WIPF3: variants seen among roughly 807,000 people sequenced by gnomAD.
WIPF3 encodes the protein WAS/WASL-interacting protein family member 3.
WIPF3 carries 33 observed loss-of-function variants against 38.9 expected under a neutral mutation model. The ratio of observed to expected loss-of-function variants is 0.85; its 90% confidence interval spans 0.64 to 1.14. WIPF3 has a LOEUF of 1.14. WIPF3 is among the 50% of genes most tolerant of loss of function. WIPF3 has a pLI of 0.00. For synonymous variants in WIPF3, 324 were observed against 269.3 expected, an observed-to-expected ratio of 1.20 and a Z score of -1.99; for missense variants, 711 against 652.5, an observed-to-expected ratio of 1.09 and a Z score of -0.98.
intron 3 of WIPF3, among the ~76,000 whole-genome samples, chr7:29,877,555 A>G (rs963990125): frequency 2.6e-5 from 4 of 152,158 alleles, no homozygotes; most frequent in African/African-American, 9.7e-5. Flanking sequence ...CTAAGTACTT[A>G]TGTGTGAAGA....
At chr7:29,848,056 C>G (rs1224751411) in intron 2 of WIPF3, among the ~76,000 whole-genome samples, 1 of 152,162 alleles carries the variant, frequency 6.6e-6, no homozygotes, top group Non-Finnish European at 1.5e-5. Flanking sequence ...GGGGCCAGTA[C>G]TTGCTCCTGC....
intron 1 of WIPF3, among the ~76,000 whole-genome samples, chr7:29,832,462 C>G (rs1222765941): frequency 2.0e-5 from 3 of 152,182 alleles, no homozygotes; most frequent in African/African-American, 7.2e-5. Context: ...CTGAAAGAAA[C>G]ACGTACTACC....
At chr7:29,897,398 A>AT (rs1562789662) in intron 7 of WIPF3, among the ~76,000 whole-genome samples, 1 of 152,190 alleles carries the variant, frequency 6.6e-6, no homozygotes, top group Non-Finnish European at 1.5e-5. Flanking sequence ...TACTGTTTTC[A>AT]TATCTACTGG....
intron 4 of WIPF3, among the ~76,000 whole-genome samples, chr7:29,881,526 A>G (rs1250367033): frequency 2.0e-5 from 3 of 152,242 alleles, no homozygotes; most frequent in African/African-American, 7.2e-5. Flanking sequence ...TTTTAGGATC[A>G]AAGAATGTAT....
At chr7:29,876,895 G>A (rs566458421) in intron 3 of WIPF3, among the ~76,000 whole-genome samples, 1 of 152,236 alleles carries the variant, frequency 6.6e-6, no homozygotes, top group East Asian at 1.9e-4. Flanking sequence ...CCTCTTTGAG[G>A]ATGTTTGGTC....
At chr7:29,847,504 A>G (rs1471713172) in intron 2 of WIPF3, among the ~76,000 whole-genome samples, 1 of 152,250 alleles carries the variant, frequency 6.6e-6, no homozygotes, top group Non-Finnish European at 1.5e-5. Flanking sequence ...CCAACGATGT[A>G]GCGGAAATTA....
intron 7 of WIPF3, among the ~76,000 whole-genome samples, chr7:29,890,194 A>G (rs1191058633): frequency 4.4e-5 from 3 of 68,160 alleles, no homozygotes; most frequent in Non-Finnish European, 1.1e-4. Context: ...TTCCATTTCT[A>G]CAAAATAATT....
At chr7:29,884,701 G>C (rs991312020) in intron 5 of WIPF3, 108 bp downstream of exon 5, 138 of 1,422,638 alleles carry the variant, frequency 9.7e-5, no homozygotes, top group Middle Eastern at 7.3e-4. Flanking sequence ...GACACCAGGG[G>C]TGAGGGAGGC....
rs530037224 is a variant in WIPF3, at chr7:29,819,590, T to C, written c.-58+12912T>C. On this transcript the variant is annotated intron_variant, in intron 1 of 8. Transcript: ENST00000242140. ...TTCTGCTTCCTTTAGGTTCATATTA[T>C]TGTTACTCATGTTTCTTGAGAGTTT... Among the ~76,000 whole-genome samples, 66 of 152,222 alleles carry C rather than the reference T, an allele frequency of 4.3e-4. No individual in the cohort carries two copies. In the South Asian group the frequency reaches 6.2e-3, roughly 14 times the overall value.
At chr7:29,900,728 C>T (rs1172818513) in intron 7 of WIPF3, among the ~76,000 whole-genome samples, 3 of 152,226 alleles carry the variant, frequency 2.0e-5, no homozygotes, top group Non-Finnish European at 4.4e-5. Flanking sequence ...AGCCCAACTC[C>T]TTCCTGTACA....
At chr7:29,870,495 A>T (rs1269636734) in intron 2 of WIPF3, among the ~76,000 whole-genome samples, 1 of 152,160 alleles carries the variant, frequency 6.6e-6, no homozygotes, top group Non-Finnish European at 1.5e-5. Flanking sequence ...AAGAATAAGG[A>T]AAAGGGATGA....
At chr7:29,813,595 T>C (rs174921) in intron 1 of WIPF3, among the ~76,000 whole-genome samples, 4,199 of 152,360 alleles carry the variant, frequency 0.028, 74 homozygotes, top group Middle Eastern at 0.048. Flanking sequence ...TTTCTATTCA[T>C]ATTTTTTGCC....
In WIPF3 at chr7:29,884,544, C is replaced by T. The variant is rs1371598752; in HGVS notation, c.1050C>T (p.Ala350=). The T allele has an allele frequency of 1.2e-6, 2 of 1,600,830 alleles. No individual in the cohort carries two copies. The highest frequency in any genetic ancestry group is 1.1e-5 in the South Asian group (1 of 88,314). ...CGCAGGCCTTGCCCGCCCCGCCTGC[C>T]CCTCCGGGCTCCCAGCCGTTCCTGC... ...AGAQALPAPP[A]PPGSQPFLQK... is the part of the protein sequence containing the mutation. The change falls in exon 5 of 9, where the codon GCC becomes GCT. Residue 350 remains alanine, a synonymous_variant. Transcript: ENST00000242140.
chr7:29,812,982 AT>A (rs201471359), intron 1 of WIPF3, among the ~76,000 whole-genome samples: 4,530 of 152,302 alleles, frequency 0.03, 84 homozygotes, highest in Middle Eastern at 0.051. Context: ...CTGAATTTCC[AT>A]TTGCCAAAAG....
chr7:29,839,693 A>C (rs147917793), intron 2 of WIPF3, among the ~76,000 whole-genome samples: 17 of 152,328 alleles, frequency 1.1e-4, no homozygotes, highest in African/African-American at 4.1e-4. Flanking sequence ...ACTGGTTTTT[A>C]CATTTTCAAA....
At chr7:29,900,749 C>A (rs1786258723) in intron 7 of WIPF3, among the ~76,000 whole-genome samples, 1 of 152,232 alleles carries the variant, frequency 6.6e-6, no homozygotes, top group Admixed American at 6.5e-5. Flanking sequence ...GCTAGAGAAG[C>A]CAAAGCAGAA....
At chr7:29,880,892 T>A (rs1785701285) in intron 4 of WIPF3, among the ~76,000 whole-genome samples, 1 of 152,028 alleles carries the variant, frequency 6.6e-6, no homozygotes, top group South Asian at 2.1e-4. Flanking sequence ...CCCCTTCTCA[T>A]CAGAGGAAGG....
chr7:29,886,826 A>G (rs147907958), intron 5 of WIPF3, among the ~76,000 whole-genome samples: 5 of 152,320 alleles, frequency 3.3e-5, no homozygotes, highest in Admixed American at 1.3e-4. Flanking sequence ...TATTAGGAAT[A>G]TGAAATGAGA....
chr7:29,872,672 T>C (rs1305417825), intron 2 of WIPF3, among the ~76,000 whole-genome samples: 2 of 151,812 alleles, frequency 1.3e-5, no homozygotes, highest in East Asian at 3.9e-4. Context: ...GGCGGGCGCC[T>C]GTAGTCCCAG....
Sources: allele counts gnomAD v4.1 joint callset (sites outside exome capture counted in the v4.1 genomes callset), GRCh38; gene constraint gnomAD v4.1.1; transcripts MANE v1.5; gene names NCBI Gene and HGNC (gene_info 2026-07-23, HGNC 2026-07-21).